Variants in MDGA2 observed in about 807,000 individuals in gnomAD.
MDGA2 encodes the protein MAM domain containing glycosylphosphatidylinositol anchor 2.
In MDGA2, 40 loss-of-function variants were observed where a neutral mutation model predicts 117.8. That is an observed-to-expected ratio of 0.34 (90% CI 0.26 to 0.44). The LOEUF (loss-of-function observed/expected upper bound fraction) is 0.44. MDGA2 is among the 20% of genes least tolerant of loss of function. The probability of loss-of-function intolerance (pLI) is 1.00; values close to 1 mark genes in which losing one functional copy is unlikely to be tolerated. For missense variants in MDGA2, 1,123 were observed against 1,250.6 expected (o/e 0.90, Z 1.54); for synonymous variants, 452 against 439.0 (o/e 1.03, Z -0.37).
intron 9 of MDGA2, among the ~76,000 whole-genome samples, chr14:46,925,924 A>G (rs1246289542): frequency 6.6e-6 from 1 of 152,172 alleles, no homozygotes; most frequent in Non-Finnish European, 1.5e-5. Flanking sequence ...TGTTATAGAT[A>G]CTTTAGAAAC....
intron 1 of MDGA2, among the ~76,000 whole-genome samples, chr14:47,447,175 C>T (rs1470274484): frequency 1.3e-5 from 2 of 152,082 alleles, no homozygotes; most frequent in African/African-American, 4.8e-5. Flanking sequence ...ACTGTTTAGT[C>T]CAGGGAGCTA....
chr14:47,136,767 AC>A, intron 4 of MDGA2, among the ~76,000 whole-genome samples: 1 of 152,306 alleles, frequency 6.6e-6, no homozygotes, highest in East Asian at 1.9e-4. Flanking sequence ...AAGATTGCTG[AC>A]TAGATAGGAA....
At chr14:47,632,835 GT>G (rs1329044625) in intron 1 of MDGA2, among the ~76,000 whole-genome samples, 3 of 150,592 alleles carry the variant, frequency 2.0e-5, no homozygotes, top group East Asian at 2.0e-4. Flanking sequence ...TATCTTTCAA[GT>G]TTTTTTTCAA....
At chr14:47,409,839 G>T (rs1892334625) in intron 1 of MDGA2, among the ~76,000 whole-genome samples, 1 of 152,118 alleles carries the variant, frequency 6.6e-6, no homozygotes, top group South Asian at 2.1e-4. Flanking sequence ...CCCCCGCTTT[G>T]TGGGTTGGAG....
intron 1 of MDGA2, among the ~76,000 whole-genome samples, chr14:47,560,225 G>T (rs565039414): frequency 6.6e-6 from 1 of 151,748 alleles, no homozygotes; most frequent in East Asian, 2.0e-4. Context: ...CCGCCACCAC[G>T]CCCGACTAAT....
chr14:47,404,429 G>A (rs1382089878), intron 1 of MDGA2, among the ~76,000 whole-genome samples: 4 of 151,658 alleles, frequency 2.6e-5, no homozygotes, highest in African/African-American at 7.3e-5. Context: ...CAAGTGATCC[G>A]CCTGCCTTGG....
chr14:47,187,917 T>TTTTG (rs372357998), intron 3 of MDGA2, among the ~76,000 whole-genome samples: 2,331 of 148,744 alleles, frequency 0.016, 69 homozygotes, highest in African/African-American at 0.052. Flanking sequence ...TTAAAGTAGG[T>TTTTG]TGTGTGTGTG....
intron 1 of MDGA2, among the ~76,000 whole-genome samples, chr14:47,449,784 A>C (rs2138567535): frequency 6.6e-6 from 1 of 152,316 alleles, no homozygotes; most frequent in Non-Finnish European, 1.5e-5. Context: ...TTGTGAAAAT[A>C]TTCCAGAATC....
At position 47,656,254 on chromosome 14, in the gene MDGA2, T is replaced by G. The variant is rs187051346; in HGVS notation, c.280+18263A>C. 2.0e-5 allele frequency among the ~76,000 whole-genome samples: 3 copies of G among 152,306 alleles called. No individual in the cohort carries two copies. In the East Asian group the frequency reaches 5.8e-4, roughly 29 times the overall value. The stretch of plus-strand genomic sequence containing the variant: ...GTAGACAGAGAAAGCCCAAGTAAGC[T>G]ATATGCAGAAATGGCAAACCCCTAC... On this transcript the variant is annotated intron_variant, in intron 1 of 16. Transcript: ENST00000399232.
At chr14:47,520,681 A>T (rs1894851197) in intron 1 of MDGA2, among the ~76,000 whole-genome samples, 1 of 152,170 alleles carries the variant, frequency 6.6e-6, no homozygotes, top group Non-Finnish European at 1.5e-5. Context: ...GTCCAAGCAA[A>T]AATCAAGAAT....
chr14:47,214,533 C>A (rs1436317211), intron 3 of MDGA2, among the ~76,000 whole-genome samples: 1 of 151,914 alleles, frequency 6.6e-6, no homozygotes, highest in African/African-American at 2.4e-5. Flanking sequence ...AATCTATATA[C>A]CTTAATATTT....
chr14:47,412,919 T>C lies in MDGA2; in HGVS notation c.281-111369A>G, dbSNP rs61995174. ...CCACACTCTAACTGAAGGCTGAATA[T>C]ATTACAAATAAAGGAAATGGATGTA... is the stretch of plus-strand genomic sequence containing the variant. On this transcript the variant is annotated intron_variant, in intron 1 of 16. Coordinates refer to ENST00000399232, the MANE Select transcript of MDGA2 (RefSeq NM_001113498.3). 2.4e-3 allele frequency among the ~76,000 whole-genome samples: 363 copies of C among 152,362 alleles called. 3 individuals carry two copies. The highest frequency in any genetic ancestry group is 3.1e-3 in the Non-Finnish European group (211 of 68,040).
At chr14:47,531,545 G>C (rs1276053114) in intron 1 of MDGA2, among the ~76,000 whole-genome samples, 2 of 152,162 alleles carry the variant, frequency 1.3e-5, no homozygotes, top group Non-Finnish European at 2.9e-5. Flanking sequence ...TCCCTTGCTT[G>C]TAAACCTTGG....
chr14:47,529,077 C>T (rs760824464), intron 1 of MDGA2, among the ~76,000 whole-genome samples: 16 of 151,770 alleles, frequency 1.1e-4, no homozygotes, highest in African/African-American at 3.6e-4. Flanking sequence ...GGGCTCACTA[C>T]AAGCTCCGCC....
chr14:47,120,862 A>G (rs180730888), intron 5 of MDGA2, among the ~76,000 whole-genome samples: 1 of 152,178 alleles, frequency 6.6e-6, no homozygotes, highest in African/African-American at 2.4e-5. Flanking sequence ...TGATTTAATT[A>G]AAAGCTCCAC....
In MDGA2 at chr14:46,969,756, G is replaced by C. The variant is rs375002106; in HGVS notation, c.1820-12113C>G. On this transcript the variant is annotated intron_variant, in intron 8 of 16. Transcript: ENST00000399232. ...CAAGGAGAACACTTGGACACAGGAA[G>C]GGGAACATCACACACCGGGGCCCGT... Among the ~76,000 whole-genome samples, 16 of 151,814 alleles carry C rather than the reference G, an allele frequency of 1.1e-4. No homozygotes were observed. In the East Asian group the frequency reaches 2.7e-3, roughly 26 times the overall value.
At chr14:47,072,675 A>G (rs1890337003) in intron 6 of MDGA2, among the ~76,000 whole-genome samples, 1 of 152,190 alleles carries the variant, frequency 6.6e-6, no homozygotes, top group Non-Finnish European at 1.5e-5. Flanking sequence ...GTTTTGGTAT[A>G]GAGTCCAGCC....
chr14:47,328,685 G>A (rs1008226213), intron 1 of MDGA2, among the ~76,000 whole-genome samples: 1 of 151,984 alleles, frequency 6.6e-6, no homozygotes, highest in African/African-American at 2.4e-5. Context: ...ACTTTTCCAG[G>A]TATCTAATGT....
At chr14:47,099,129 A>C (rs1184124253) in intron 5 of MDGA2, among the ~76,000 whole-genome samples, 1 of 151,950 alleles carries the variant, frequency 6.6e-6, no homozygotes, top group African/African-American at 2.4e-5. Context: ...AAAATAGCCC[A>C]GATAGACCAC....
Sources: gnomAD v4.1 joint callset for allele counts (sites outside exome capture counted in the v4.1 genomes callset) on GRCh38, gnomAD v4.1.1 for gene constraint, MANE v1.5 for transcripts, NCBI Gene and HGNC (gene_info 2026-07-23, HGNC 2026-07-21) for gene names.